Variants in PIK3R5 observed in about 807,000 individuals in gnomAD.
PIK3R5 encodes the protein phosphoinositide-3-kinase regulatory subunit 5.
PIK3R5 carries 32 observed loss-of-function variants against 94.9 expected under a neutral mutation model. That is an observed-to-expected ratio of 0.34 (90% CI 0.25 to 0.45). PIK3R5 has a LOEUF of 0.45. PIK3R5 is among the 20% of genes least tolerant of loss of function. The pLI is 1.00. For missense variants in PIK3R5, 853 were observed against 1,144.6 expected, an observed-to-expected ratio of 0.75 and a Z score of 3.68; for synonymous variants, 443 against 479.4, an observed-to-expected ratio of 0.92 and a Z score of 0.99.
intron 1 of PIK3R5, among the ~76,000 whole-genome samples, chr17:8,962,210 G>A (rs1452674262): frequency 6.6e-6 from 1 of 152,178 alleles, no homozygotes; most frequent in Non-Finnish European, 1.5e-5. Context: ...GAGTGTGACT[G>A]TGAAGATTAA....
Position 8,951,936 on chromosome 17 carries a change from T to C in PIK3R5, c.-14+13660A>G, listed in dbSNP as rs959146215. ...TGACTACATTCTGGCTACTGGAATATGAATAGACATTGATAAGTGCAATTT... is the reference window on the plus strand; with the variant it reads ...TGACTACATTCTGGCTACTGGAATACGAATAGACATTGATAAGTGCAATTT... On this transcript the variant is annotated intron_variant, in intron 1 of 18. Transcript: ENST00000447110. 4.6e-5 allele frequency among the ~76,000 whole-genome samples: 7 copies of C among 152,334 alleles called. No homozygotes were observed. The East Asian group carries it at 1.2e-3, about 25-fold the overall frequency.
intron 1 of PIK3R5, among the ~76,000 whole-genome samples, chr17:8,939,866 G>T (rs374341769): frequency 4.8e-4 from 73 of 152,210 alleles, no homozygotes; most frequent in African/African-American, 1.7e-3. Context: ...GTGAGAAGGG[G>T]TCACCTTCCT....
At chr17:8,965,039 C>T (rs1163070982) in intron 1 of PIK3R5, among the ~76,000 whole-genome samples, 1 of 140,298 alleles carries the variant, frequency 7.1e-6, no homozygotes, top group Non-Finnish European at 1.6e-5. Context: ...ACGAGTCACG[C>T]GGGGATGTCC....
chr17:8,930,361 T>C (rs2090965997), intron 1 of PIK3R5, among the ~76,000 whole-genome samples: 1 of 151,894 alleles, frequency 6.6e-6, no homozygotes, highest in African/African-American at 2.4e-5. Context: ...AAAGAGGAAG[T>C]CTCAAGAGAA....
intron 5 of PIK3R5, among the ~76,000 whole-genome samples, chr17:8,901,685 T>C (rs1267126707): frequency 6.6e-6 from 1 of 152,112 alleles, no homozygotes. Flanking sequence ...AAAACAAAAA[T>C]GGGATTATAA....
chr17:8,938,336 T>C (rs2091113467), intron 1 of PIK3R5, among the ~76,000 whole-genome samples: 1 of 152,256 alleles, frequency 6.6e-6, no homozygotes, highest in Admixed American at 6.5e-5. Context: ...TTATTATCTT[T>C]TCAATGTCCA....
At chr17:8,961,261 G>C (rs2091558235) in intron 1 of PIK3R5, among the ~76,000 whole-genome samples, 1 of 152,192 alleles carries the variant, frequency 6.6e-6, no homozygotes, top group Non-Finnish European at 1.5e-5. Context: ...GAGGAAGAAG[G>C]AGGGGTGGAC....
At chr17:8,894,288 G>A (rs1375729359) in intron 5 of PIK3R5, among the ~76,000 whole-genome samples, 1 of 152,162 alleles carries the variant, frequency 6.6e-6, no homozygotes, top group Non-Finnish European at 1.5e-5. Flanking sequence ...TGTGCCGCAG[G>A]GCTACTCCTC....
chr17:8,885,434 T>G (rs114619297), intron 14 of PIK3R5, among the ~76,000 whole-genome samples: 2 of 25,580 alleles, frequency 7.8e-5, no homozygotes, highest in Non-Finnish European at 1.6e-4. Context: ...CCCCATGGCC[T>G]CGCCTCCTGG....
intron 5 of PIK3R5, among the ~76,000 whole-genome samples, chr17:8,899,814 C>T (rs1474074904): frequency 6.6e-6 from 1 of 152,072 alleles, no homozygotes; most frequent in Admixed American, 6.5e-5. Flanking sequence ...CCGAGGTGGG[C>T]GGCTCACAAG....
At chr17:8,960,722 C>T (rs2091548841) in intron 1 of PIK3R5, among the ~76,000 whole-genome samples, 1 of 152,146 alleles carries the variant, frequency 6.6e-6, no homozygotes, top group South Asian at 2.1e-4. Context: ...CACCTTCAGC[C>T]CTCACACCCC....
intron 12 of PIK3R5, 25 bp downstream of exon 12, chr17:8,887,070 TG>T (rs2089877614): frequency 6.2e-7 from 1 of 1,613,184 alleles, no homozygotes; most frequent in Non-Finnish European, 8.5e-7. Flanking sequence ...CAGTGGACCC[TG>T]TTCCGCAACC....
At chr17:8,963,885 T>C (rs1037492675) in intron 1 of PIK3R5, among the ~76,000 whole-genome samples, 11 of 152,122 alleles carry the variant, frequency 7.2e-5, no homozygotes, top group Non-Finnish European at 1.6e-4. Context: ...CTCACAGTCC[T>C]GGTTTGTGAG....
At chr17:8,947,530 C>T (rs1353142655) in intron 1 of PIK3R5, among the ~76,000 whole-genome samples, 1 of 151,914 alleles carries the variant, frequency 6.6e-6, no homozygotes, top group Non-Finnish European at 1.5e-5. Flanking sequence ...ACAACAACAA[C>T]AACAAGAGGC....
intron 1 of PIK3R5, among the ~76,000 whole-genome samples, chr17:8,957,980 A>G (rs1005645912): frequency 1.3e-5 from 2 of 152,214 alleles, no homozygotes; most frequent in African/African-American, 4.8e-5. Flanking sequence ...GGCAGCACAG[A>G]AAAGGAAAAT....
chr17:8,886,368 G>A (rs1424504645), intron 13 of PIK3R5, 46 bp from the exon 14 acceptor site: 1 of 1,589,484 alleles, frequency 6.3e-7, no homozygotes, highest in Non-Finnish European at 8.6e-7. Flanking sequence ...CTCCTGGAGG[G>A]GCCCATTTGG....
intron 1 of PIK3R5, among the ~76,000 whole-genome samples, chr17:8,922,633 C>A (rs536161922): frequency 3.3e-5 from 5 of 152,136 alleles, no homozygotes; most frequent in Non-Finnish European, 5.9e-5. Context: ...GGGAAGACGT[C>A]TTGCATAAAA....
chr17:8,935,129 C>T lies in PIK3R5; in HGVS notation c.-13-23622G>A, dbSNP rs1479433140. Among the ~76,000 whole-genome samples, 7 of 152,196 alleles carry T rather than the reference C, an allele frequency of 4.6e-5. No individual in the cohort carries two copies. Among genetic ancestry groups the T allele is most frequent in the Non-Finnish European group, 1.0e-4 (7 of 68,036 alleles). On this transcript the variant is annotated intron_variant, in intron 1 of 18. Coordinates refer to ENST00000447110, the MANE Select transcript of PIK3R5 (RefSeq NM_001142633.3). This position sits in a 1 kb window ranked among gnomAD's most constrained non-coding sequence, Gnocchi z 4.5. ...GCTTGGCTGGATGTCCACCCCCACC[C>T]TTTCAGCTCCCAGAGCATCTCTGCT...
At chr17:8,908,193 T>G (rs2090436027) in intron 3 of PIK3R5, among the ~76,000 whole-genome samples, 1 of 152,196 alleles carries the variant, frequency 6.6e-6, no homozygotes. Flanking sequence ...AGCCCCATCA[T>G]GTCTTCTCTG....
Sources: gnomAD v4.1 joint callset for allele counts (sites outside exome capture counted in the v4.1 genomes callset) on GRCh38, gnomAD v4.1.1 for gene constraint, Gnocchi (gnomAD v3.1) non-coding constraint, MANE v1.5 for transcripts, NCBI Gene and HGNC (gene_info 2026-07-23, HGNC 2026-07-21) for gene names.